Variants in CTNND2 observed in about 807,000 individuals in gnomAD.
The protein encoded by CTNND2 is catenin delta-2.
In CTNND2, 22 loss-of-function variants were observed where a neutral mutation model predicts 144.4. The observed-to-expected ratio is 0.15, with a 90% CI of 0.11 to 0.22. The LOEUF is 0.22. Among genes scored for constraint, CTNND2 ranks in the 10% least tolerant of loss-of-function variants. The pLI is 1.00. For synonymous variants in CTNND2, 751 were observed against 695.6 expected (o/e 1.08, Z -1.25); for missense variants, 1,353 against 1,618.8 (o/e 0.84, Z 2.82).
At chr5:11,815,833 C>T (rs930524971) in intron 1 of CTNND2, among the ~76,000 whole-genome samples, 1 of 152,114 alleles carries the variant, frequency 6.6e-6, no homozygotes, top group African/African-American at 2.4e-5. Flanking sequence ...GATTCAGACA[C>T]CCCCAAGACT....
chr5:11,013,352 G>T (rs951679955), intron 18 of CTNND2, among the ~76,000 whole-genome samples: 2 of 152,122 alleles, frequency 1.3e-5, no homozygotes, highest in Non-Finnish European at 2.9e-5. Context: ...ATTATCTCAT[G>T]TAATTTTCTA....
At chr5:11,871,029 G>A (rs777610506) in intron 1 of CTNND2, among the ~76,000 whole-genome samples, 2 of 152,128 alleles carry the variant, frequency 1.3e-5, no homozygotes, top group Non-Finnish European at 2.9e-5. Context: ...AAGGTCATGA[G>A]GGTAGAGCTT....
At chr5:11,784,318 A>C in intron 1 of CTNND2, among the ~76,000 whole-genome samples, 1 of 152,252 alleles carries the variant, frequency 6.6e-6, no homozygotes, top group Non-Finnish European at 1.5e-5. Flanking sequence ...AACTTGATTT[A>C]AGTGGTTAAC....
chr5:11,251,139 C>T (rs1451146220), intron 9 of CTNND2, among the ~76,000 whole-genome samples: 1 of 152,172 alleles, frequency 6.6e-6, no homozygotes, highest in Non-Finnish European at 1.5e-5. Flanking sequence ...TGACTGAACA[C>T]AATTATTGGC....
intron 1 of CTNND2, among the ~76,000 whole-genome samples, chr5:11,779,402 G>C (rs541548484): frequency 1.6e-4 from 25 of 152,264 alleles, no homozygotes; most frequent in Admixed American, 6.5e-4. Context: ...TAACACAACA[G>C]GCACAAACAG....
At chr5:11,815,270 G>A (rs1792561872) in intron 1 of CTNND2, among the ~76,000 whole-genome samples, 2 of 152,064 alleles carry the variant, frequency 1.3e-5, no homozygotes, top group South Asian at 4.1e-4. Flanking sequence ...AACATTAAAT[G>A]TTAATTAAAA....
At chr5:11,584,428 G>GT in intron 2 of CTNND2, among the ~76,000 whole-genome samples, 1 of 145,370 alleles carries the variant, frequency 6.9e-6, no homozygotes, top group South Asian at 2.3e-4. Context: ...TTTTTTTTGG[G>GT]GGGGGGGAGG....
chr5:11,189,207 C>A (rs1348791523), intron 11 of CTNND2, among the ~76,000 whole-genome samples: 2 of 152,146 alleles, frequency 1.3e-5, no homozygotes, highest in Non-Finnish European at 2.9e-5. Context: ...CCATGTGGCT[C>A]CTTGAAAAAC....
At chr5:11,818,145 T>G (rs1192665269) in intron 1 of CTNND2, among the ~76,000 whole-genome samples, 2 of 151,968 alleles carry the variant, frequency 1.3e-5, no homozygotes, top group African/African-American at 4.8e-5. Context: ...CTTGAAAAAT[T>G]AGGAAGGAAG....
chr5:11,556,903 G>A (rs1392704985), intron 3 of CTNND2, among the ~76,000 whole-genome samples: 1 of 152,000 alleles, frequency 6.6e-6, no homozygotes, highest in East Asian at 1.9e-4. Flanking sequence ...AAAAATGGTG[G>A]GGTTAAAGAT....
At chr5:11,570,436 T>C (rs1431060455) in intron 2 of CTNND2, among the ~76,000 whole-genome samples, 1 of 152,208 alleles carries the variant, frequency 6.6e-6, no homozygotes, top group African/African-American at 2.4e-5. Context: ...AGAGGTATTA[T>C]GTTCTGACAC....
chr5:11,694,778 T>G (rs1785069533), intron 2 of CTNND2, among the ~76,000 whole-genome samples: 1 of 152,226 alleles, frequency 6.6e-6, no homozygotes, highest in African/African-American at 2.4e-5. Flanking sequence ...CTTCTGTCTC[T>G]GTTCAACACT....
intron 1 of CTNND2, among the ~76,000 whole-genome samples, chr5:11,742,799 G>A (rs186422490): frequency 6.6e-6 from 1 of 152,214 alleles, no homozygotes; most frequent in African/African-American, 2.4e-5. Flanking sequence ...TATAATTGAA[G>A]AATAAGCATA....
chr5:11,464,461 C>A (rs1365416807), intron 3 of CTNND2, among the ~76,000 whole-genome samples: 1 of 152,106 alleles, frequency 6.6e-6, no homozygotes, highest in African/African-American at 2.4e-5. Context: ...CCTGGGGTGC[C>A]AGGCAGCAGG....
intron 9 of CTNND2, among the ~76,000 whole-genome samples, chr5:11,330,483 CAAAAAAAAAAAAA>C (rs10627159): frequency 1.3e-3 from 58 of 43,446 alleles, no homozygotes; most frequent in Admixed American, 2.9e-3. Flanking sequence ...GACTCCGTCT[CAAAAAAAAAAAAA>C]AAAAAAAAAA....
chr5:11,456,396 C>G (rs1168452104), intron 3 of CTNND2, among the ~76,000 whole-genome samples: 1 of 151,010 alleles, frequency 6.6e-6, no homozygotes, highest in Non-Finnish European at 1.5e-5. Context: ...TCTAGTTTTA[C>G]CTGATATTTC....
At chr5:11,093,697 G>T (rs1751021451) in intron 15 of CTNND2, among the ~76,000 whole-genome samples, 1 of 152,020 alleles carries the variant, frequency 6.6e-6, no homozygotes, top group South Asian at 2.1e-4. Context: ...AAAAAGTTAA[G>T]AACACTAAAG....
intron 2 of CTNND2, among the ~76,000 whole-genome samples, chr5:11,627,959 C>T (rs1479643398): frequency 6.6e-6 from 1 of 151,880 alleles, no homozygotes; most frequent in Admixed American, 6.6e-5. Context: ...TCCCTTGCTG[C>T]AGCTCATCTG....
At chr5:11,476,369 C>T (rs1437679266) in intron 3 of CTNND2, among the ~76,000 whole-genome samples, 2 of 152,038 alleles carry the variant, frequency 1.3e-5, no homozygotes, top group Non-Finnish European at 2.9e-5. Flanking sequence ...GTTATATGCA[C>T]GATTTCACTC....
Sources: gnomAD v4.1 joint callset for allele counts (sites outside exome capture counted in the v4.1 genomes callset) on GRCh38, gnomAD v4.1.1 for gene constraint, MANE v1.5 for transcripts, NCBI Gene and HGNC (gene_info 2026-07-23, HGNC 2026-07-21) for gene names.